The following RIN3 variants were observed in gnomAD, a reference collection of about 807,000 sequenced individuals.
RIN3 encodes the protein RAB5 interacting protein 3.
A neutral mutation model predicts 76.3 loss-of-function variants in RIN3; 54 were observed. That is an observed-to-expected ratio of 0.71 (90% confidence interval 0.57 to 0.89). RIN3 has a LOEUF of 0.89. RIN3 is among the 40% of genes least tolerant of loss of function. The pLI, the probability that RIN3 is intolerant of heterozygous loss-of-function variation, is 0.00. For missense variants in RIN3, 1,256 were observed against 1,322.1 expected, an observed-to-expected ratio of 0.95 and a Z score of 0.78; for synonymous variants, 576 against 564.0, an observed-to-expected ratio of 1.02 and a Z score of -0.30.
intron 1 of RIN3, among the ~76,000 whole-genome samples, chr14:92,520,680 A>G (rs12892564): frequency 0.1 from 15,375 of 152,174 alleles, 872 homozygotes; most frequent in South Asian, 0.2. Flanking sequence ...CCAGAGCTAA[A>G]TTGTTCTGTG....
intron 4 of RIN3, among the ~76,000 whole-genome samples, chr14:92,619,886 T>C (rs1566871469): frequency 1.3e-5 from 2 of 152,294 alleles, no homozygotes; most frequent in South Asian, 2.1e-4. Flanking sequence ...GTTAAACAAT[T>C]TTCGAAAGGC....
rs1183045087 is a variant in RIN3 at position 92,676,596 on chromosome 14, G to T, written c.2457G>T (p.Gln819His). 6.2e-7 allele frequency: 1 copy of T among 1,613,476 alleles called. No homozygotes were observed. Among genetic ancestry groups the T allele is most frequent in the East Asian group, 2.2e-5 (1 of 44,860 alleles). Residue 819 changes from glutamine to histidine, a missense_variant, in exon 8 of 10, where the codon CAG (glutamine) becomes CAT (histidine). Gln to His is a conservative substitution (Grantham distance 24, BLOSUM62 0). Coordinates refer to ENST00000216487, the MANE Select transcript of RIN3 (RefSeq NM_024832.5). ...TGGAGCTCATGGACCCCGCCCTGCA[G>T]CTGGGGGAGGGTGAGTCACCACCCC... is the stretch of plus-strand genomic sequence containing the variant. Reference protein sequence around the residue: ...YMMELMDPALQLGEGSYYLTT... With the variant: ...YMMELMDPALHLGEGSYYLTT...
intron 7 of RIN3, among the ~76,000 whole-genome samples, chr14:92,665,945 CG>C (rs755082031): frequency 3.3e-5 from 5 of 151,876 alleles, no homozygotes; most frequent in East Asian, 1.9e-4. Flanking sequence ...CCTTGCTACC[CG>C]AGGTGTGGTA....
At chr14:92,646,462 C>G (rs1887203359) in intron 5 of RIN3, among the ~76,000 whole-genome samples, 2 of 152,164 alleles carry the variant, frequency 1.3e-5, no homozygotes, top group African/African-American at 4.8e-5. Context: ...GAGATGGAGT[C>G]TCACTCTTTT....
chr14:92,566,759 C>T (rs1445100226), intron 2 of RIN3, among the ~76,000 whole-genome samples: 2 of 152,160 alleles, frequency 1.3e-5, no homozygotes. Context: ...CCAGAGCATG[C>T]GGGCAGAAGG....
intron 1 of RIN3, among the ~76,000 whole-genome samples, chr14:92,516,863 GA>G (rs1296486213): frequency 2.6e-5 from 4 of 152,162 alleles, no homozygotes; most frequent in African/African-American, 9.7e-5. Context: ...TAACCCAGGA[GA>G]TACAGAAATC....
chr14:92,666,813 C>T (rs1319874943), intron 7 of RIN3, among the ~76,000 whole-genome samples: 2 of 152,050 alleles, frequency 1.3e-5, no homozygotes, highest in East Asian at 1.9e-4. Context: ...AATGTGAATG[C>T]CGAGCAGGAG....
chr14:92,576,377 C>T (rs1021311200), intron 2 of RIN3: 19 of 1,289,648 alleles, frequency 1.5e-5, no homozygotes, highest in East Asian at 5.5e-5. Context: ...CTGGGTGAGA[C>T]CTCGGTTAGT....
chr14:92,576,322 T>G (rs1311674579), intron 2 of RIN3: 1 of 1,289,816 alleles, frequency 7.8e-7, no homozygotes, highest in South Asian at 1.2e-5. Flanking sequence ...GAACCATTGC[T>G]TAGAGCGTGA....
intron 1 of RIN3, among the ~76,000 whole-genome samples, chr14:92,528,075 G>T (rs1192716089): frequency 6.7e-6 from 1 of 149,414 alleles, no homozygotes; most frequent in African/African-American, 2.5e-5. Context: ...CTGCTGGGGG[G>T]TCCTGGCAAG....
chr14:92,614,908 G>T (rs968930525), intron 3 of RIN3, among the ~76,000 whole-genome samples: 3 of 146,048 alleles, frequency 2.1e-5, no homozygotes, highest in African/African-American at 7.7e-5. Context: ...CTGTGGTGCA[G>T]TCTCGGCTCT....
At chr14:92,558,890 T>TTC (rs1407400129) in intron 2 of RIN3, among the ~76,000 whole-genome samples, 26 of 147,730 alleles carry the variant, frequency 1.8e-4, no homozygotes, top group South Asian at 6.5e-4. Flanking sequence ...TTCTTTTCTT[T>TTC]TTTTTTTTTT....
Position 92,559,859 on chromosome 14 carries a change from C to T in RIN3, c.249+3904C>T, listed in dbSNP as rs74437226. Among the ~76,000 whole-genome samples the T allele has an allele frequency of 3.7e-3, 571 of 152,268 alleles. 2 individuals are homozygous for T. The highest frequency in any genetic ancestry group is 0.014 in the Middle Eastern group (4 of 294). Reference sequence around the variant, plus strand: ...AGAGAGTGGAGGGAATAGAGCCTACCGGAACCCTGGAGAGCAGGACCATGT... The same window carrying T: ...AGAGAGTGGAGGGAATAGAGCCTACTGGAACCCTGGAGAGCAGGACCATGT... On this transcript the variant is annotated intron_variant, in intron 2 of 9. Transcript: ENST00000216487.
At chr14:92,541,870 G>A (rs1897138455) in intron 1 of RIN3, among the ~76,000 whole-genome samples, 1 of 152,156 alleles carries the variant, frequency 6.6e-6, no homozygotes, top group Non-Finnish European at 1.5e-5. Flanking sequence ...GAAAATATTT[G>A]CAAATCATAT....
At chr14:92,539,531 A>G (rs1196595184) in intron 1 of RIN3, among the ~76,000 whole-genome samples, 1 of 152,220 alleles carries the variant, frequency 6.6e-6, no homozygotes, top group African/African-American at 2.4e-5. Context: ...ATGAGGCTGC[A>G]TAGCTCTGGT....
Position 92,568,176 on chromosome 14 carries a change from C to T in RIN3, c.250-9184C>T, listed in dbSNP as rs1897965736. Among the ~76,000 whole-genome samples, 1 of 152,030 alleles carries T rather than the reference C, an allele frequency of 6.6e-6. No homozygotes were observed. The highest frequency in any genetic ancestry group is 1.5e-5 in the Non-Finnish European group (1 of 68,010). On this transcript the variant is annotated intron_variant, in intron 2 of 9. Coordinates refer to ENST00000216487, the MANE Select transcript of RIN3 (RefSeq NM_024832.5). The surrounding 1 kb of genome is among the most constrained non-coding windows in gnomAD (Gnocchi z 4.2). ...AAGTAAGGTGGGCTTTGAGACTTTT[C>T]ACATGGAAACCCCAAAGGTGTTGGA... is the stretch of plus-strand genomic sequence containing the variant.
intron 1 of RIN3, among the ~76,000 whole-genome samples, chr14:92,545,530 C>T (rs1193171465): frequency 8.6e-6 from 1 of 116,606 alleles, no homozygotes; most frequent in Non-Finnish European, 2.0e-5. Context: ...GTCACATTTG[C>T]TCGTTTGCAC....
intron 1 of RIN3, among the ~76,000 whole-genome samples, chr14:92,549,376 A>G (rs1055366982): frequency 6.6e-6 from 1 of 152,086 alleles, no homozygotes; most frequent in African/African-American, 2.4e-5. Context: ...TGGGGCTGAC[A>G]TAGGCAGCCC....
chr14:92,660,959 T>A (rs900706072), intron 7 of RIN3, among the ~76,000 whole-genome samples: 1 of 152,202 alleles, frequency 6.6e-6, no homozygotes, highest in African/African-American at 2.4e-5. Flanking sequence ...AGTGGATGGA[T>A]AGCCACCTCT....
Sources: allele counts gnomAD v4.1 joint callset (sites outside exome capture counted in the v4.1 genomes callset), GRCh38; gene constraint gnomAD v4.1.1; non-coding constraint Gnocchi (gnomAD v3.1); transcripts MANE v1.5; gene names NCBI Gene and HGNC (gene_info 2026-07-23, HGNC 2026-07-21).